The following OR51B5 variants were observed in gnomAD, a reference collection of about 807,000 sequenced individuals.
OR51B5 encodes olfactory receptor 51B5.
For synonymous variants in OR51B5, 186 were observed against 144.8 expected, an observed-to-expected ratio of 1.28 and a Z score of -2.04; for missense variants, 456 against 374.6, an observed-to-expected ratio of 1.22 and a Z score of -1.79.
intron 1 of OR51B5, among the ~76,000 whole-genome samples, chr11:5,501,940 C>T (rs1412806107): frequency 1.3e-5 from 2 of 151,840 alleles, no homozygotes; most frequent in Non-Finnish European, 2.9e-5. Flanking sequence ...CCGACAGGCC[C>T]GGTGTGTGAT....
chr11:5,469,231 G>A (rs1851186757), intron 1 of OR51B5: 1 of 161,266 alleles, frequency 6.2e-6, no homozygotes, highest in Admixed American at 6.3e-5. Context: ...AAAGAGACAG[G>A]AAGTAGTACA....
intron 1 of OR51B5, chr11:5,390,208 G>A (rs1589970284): frequency 6.2e-7 from 1 of 1,613,988 alleles, no homozygotes; most frequent in Non-Finnish European, 8.5e-7. Context: ...TGATGGGGCT[G>A]TCCCTGGTGC....
intron 1 of OR51B5, among the ~76,000 whole-genome samples, chr11:5,444,485 G>T (rs1184699699): frequency 6.6e-6 from 1 of 152,148 alleles, no homozygotes; most frequent in Admixed American, 6.5e-5. Context: ...GTCAGATTTG[G>T]CTCACATTTA....
chr11:5,480,113 C>A (rs1468500444), intron 1 of OR51B5, among the ~76,000 whole-genome samples: 1 of 152,132 alleles, frequency 6.6e-6, no homozygotes, highest in Non-Finnish European at 1.5e-5. Flanking sequence ...GGAAGTAAAG[C>A]TCTCCTCATC....
chr11:5,351,770 G>A lies in OR51B5; in HGVS notation n.85-4860C>T, dbSNP rs779939944. ...CTAGGTGTTCTGTGGTTAGATCACA[G>A]GGAGATTGGCCATGGAGCCTGCTTC... On this transcript the variant is annotated intron_variant and non_coding_transcript_variant, in intron 1 of 4. Coordinates refer to the OR51B5 transcript ENST00000415970. 53 of 1,613,960 alleles carry A rather than the reference G, an allele frequency of 3.3e-5. No homozygotes were observed. The highest frequency in any genetic ancestry group is 3.9e-5 in the Non-Finnish European group (46 of 1,180,010).
chr11:5,351,348 G>C lies in OR51B5; in HGVS notation n.85-4438C>G, dbSNP rs147411040. On this transcript the variant is annotated intron_variant and non_coding_transcript_variant, in intron 1 of 4. Coordinates refer to the OR51B5 transcript ENST00000415970. ...TATACATTCTATTTTCCCATACCTA[G>C]GATCTCCCAGGAATGACTAAATTAT... Among the ~76,000 whole-genome samples, 292 of 152,160 alleles carry C rather than the reference G, an allele frequency of 1.9e-3. 2 individuals are homozygous for C. The highest frequency in any genetic ancestry group is 3.4e-3 in the Non-Finnish European group (229 of 68,012).
At chr11:5,440,655 G>A in intron 1 of OR51B5, 2 of 1,613,860 alleles carry the variant, frequency 1.2e-6, no homozygotes, top group Non-Finnish European at 1.7e-6. Context: ...GTTGAGCATG[G>A]GTGGTACAAA....
chr11:5,352,296 A>G (rs1849108205), intron 1 of OR51B5: 1 of 1,614,182 alleles, frequency 6.2e-7, no homozygotes, highest in Non-Finnish European at 8.5e-7. Flanking sequence ...ATAGGTTTGG[A>G]AAGCATGTTC....
rs566641192 is a variant in OR51B5, at chr11:5,374,785, A to T, written n.85-27875T>A. 2.6e-5 allele frequency among the ~76,000 whole-genome samples: 4 copies of T among 152,270 alleles called. No individual in the cohort carries two copies. In the East Asian group the frequency reaches 7.7e-4, roughly 29 times the overall value. On this transcript the variant is annotated intron_variant and non_coding_transcript_variant, in intron 1 of 4. Transcript: ENST00000415970. ...AAGCGAGAAGGGAAGTTTAGAGAAA[A>T]AAGAATAAAAAGAAATGAACAAAGC...
chr11:5,429,486 G>A (rs1181886136), intron 1 of OR51B5, among the ~76,000 whole-genome samples: 1 of 152,126 alleles, frequency 6.6e-6, no homozygotes, highest in South Asian at 2.1e-4. Flanking sequence ...AAGTGAGTGC[G>A]AATGATCAGT....
chr11:5,359,943 G>A (rs9734220), intron 1 of OR51B5, among the ~76,000 whole-genome samples: 28,136 of 152,116 alleles, frequency 0.18, 2,796 homozygotes, highest in Middle Eastern at 0.34. Context: ...CTAACCATAC[G>A]CAGAAAGCTG....
chr11:5,349,788 T>C (rs952077988), intron 1 of OR51B5, among the ~76,000 whole-genome samples: 1 of 152,072 alleles, frequency 6.6e-6, no homozygotes, highest in African/African-American at 2.4e-5. Context: ...CAGAGTTGCT[T>C]TCCCCTCTAC....
chr11:5,389,568 T>C, intron 1 of OR51B5: 1 of 1,614,002 alleles, frequency 6.2e-7, no homozygotes, highest in South Asian at 1.1e-5. Context: ...AATTGTTTCA[T>C]TCTGATCATT....
chr11:5,459,683 C>T (rs1407152111), intron 1 of OR51B5, among the ~76,000 whole-genome samples: 2 of 149,914 alleles, frequency 1.3e-5, no homozygotes, highest in Non-Finnish European at 2.9e-5. Context: ...CAATGGGATG[C>T]CATCTCCCAT....
intron 1 of OR51B5, among the ~76,000 whole-genome samples, chr11:5,492,943 T>C (rs376367006): frequency 1.3e-5 from 2 of 152,132 alleles, no homozygotes; most frequent in Non-Finnish European, 2.9e-5. Flanking sequence ...CCAGACTCTC[T>C]TTGTTATTTG....
intron 1 of OR51B5, among the ~76,000 whole-genome samples, chr11:5,384,983 C>G (rs1252225922): frequency 6.6e-6 from 1 of 152,150 alleles, no homozygotes; most frequent in Non-Finnish European, 1.5e-5. Context: ...TTACAAGAAA[C>G]AGTATCCTCC....
intron 1 of OR51B5, among the ~76,000 whole-genome samples, chr11:5,408,662 A>G (rs1850098743): frequency 6.6e-6 from 1 of 152,110 alleles, no homozygotes; most frequent in African/African-American, 2.4e-5. Flanking sequence ...TGTGATCACA[A>G]TGTATCCAGA....
intron 1 of OR51B5, chr11:5,489,471 C>A (rs765957488): frequency 6.2e-7 from 1 of 1,614,046 alleles, no homozygotes; most frequent in Admixed American, 1.7e-5. Context: ...TGGTTTTCTA[C>A]ATCCCTGCCT....
intron 1 of OR51B5, among the ~76,000 whole-genome samples, chr11:5,398,449 A>G (rs1412656991): frequency 6.6e-6 from 1 of 152,098 alleles, no homozygotes; most frequent in East Asian, 1.9e-4. Context: ...GCAGCATTCC[A>G]GCCCCAGGAC....
Sources: allele counts gnomAD v4.1 joint callset (sites outside exome capture counted in the v4.1 genomes callset), GRCh38; gene constraint gnomAD v4.1.1; transcripts MANE v1.5; gene names NCBI Gene and HGNC (gene_info 2026-07-23, HGNC 2026-07-21).